GABRG3: variants seen among roughly 807,000 people sequenced by gnomAD.
GABRG3 encodes the protein gamma-aminobutyric acid type A receptor subunit gamma3.
In GABRG3, 25 loss-of-function variants were observed where a neutral mutation model predicts 48.8. The ratio of observed to expected loss-of-function variants is 0.51; its 90% CI spans 0.37 to 0.72. The LOEUF (loss-of-function observed/expected upper bound fraction) is 0.72. GABRG3 is among the 30% of genes least tolerant of loss of function. GABRG3 has a pLI of 0.00. For synonymous variants in GABRG3, 227 were observed against 217.6 expected (o/e 1.04, Z -0.38); for missense variants, 394 against 577.9 (o/e 0.68, Z 3.26).
intron 6 of GABRG3, among the ~76,000 whole-genome samples, chr15:27,500,204 G>A (rs1248760113): frequency 1.3e-5 from 2 of 152,122 alleles, no homozygotes. Context: ...GAAGACAGGG[G>A]ATAGTGAGAT....
intron 5 of GABRG3, among the ~76,000 whole-genome samples, chr15:27,459,209 G>A (rs1403097840): frequency 6.6e-6 from 1 of 152,212 alleles, no homozygotes. Context: ...TGGTGAGAAA[G>A]AGAGCCTTGG....
chr15:27,307,161 CAT>C (rs2140499991), intron 3 of GABRG3, among the ~76,000 whole-genome samples: 1 of 133,818 alleles, frequency 7.5e-6, no homozygotes, highest in African/African-American at 2.7e-5. Flanking sequence ...CATATAAAAA[CAT>C]GTTTATACAT....
chr15:27,517,691 T>C (rs905800268), intron 6 of GABRG3, among the ~76,000 whole-genome samples: 6 of 152,216 alleles, frequency 3.9e-5, no homozygotes, highest in African/African-American at 1.4e-4. Flanking sequence ...GTTAGCTTGT[T>C]GGTTTATTCC....
intron 3 of GABRG3, among the ~76,000 whole-genome samples, chr15:27,061,157 T>C (rs1224578477): frequency 6.6e-6 from 1 of 152,240 alleles, no homozygotes. Context: ...AGACAGGTGT[T>C]GTCTATGCTG....
intron 3 of GABRG3, among the ~76,000 whole-genome samples, chr15:27,111,793 G>T (rs1029719496): frequency 2.0e-5 from 3 of 152,128 alleles, no homozygotes; most frequent in Non-Finnish European, 4.4e-5. Flanking sequence ...GCATCTCAGG[G>T]CTGTGAGCTT....
intron 6 of GABRG3, among the ~76,000 whole-genome samples, chr15:27,507,179 A>G (rs927546415): frequency 6.6e-6 from 1 of 152,158 alleles, no homozygotes; most frequent in Admixed American, 6.6e-5. Context: ...TAGTCTAAGG[A>G]CTTACTTTGT....
intron 2 of GABRG3, among the ~76,000 whole-genome samples, chr15:26,980,067 G>A (rs1195940949): frequency 6.6e-6 from 1 of 151,642 alleles, no homozygotes; most frequent in Non-Finnish European, 1.5e-5. Context: ...CAAGAAATTG[G>A]TCCATTTCTT....
intron 9 of GABRG3, among the ~76,000 whole-genome samples, chr15:27,529,773 T>C (rs1359640813): frequency 2.6e-5 from 4 of 151,098 alleles, no homozygotes; most frequent in Non-Finnish European, 5.9e-5. Flanking sequence ...CACCTGGGTG[T>C]TGAAAGAAGG....
intron 3 of GABRG3, among the ~76,000 whole-genome samples, chr15:27,296,726 T>A (rs1396589115): frequency 6.6e-6 from 1 of 152,174 alleles, no homozygotes; most frequent in Non-Finnish European, 1.5e-5. Context: ...GCTATAAAAG[T>A]ATAGCTCGGG....
intron 5 of GABRG3, among the ~76,000 whole-genome samples, chr15:27,478,784 T>C (rs543708482): frequency 3.3e-5 from 5 of 152,372 alleles, no homozygotes; most frequent in Admixed American, 3.3e-4. Context: ...AAATATGGTA[T>C]ATCTGTACAA....
chr15:27,261,111 A>G (rs1372892396), intron 3 of GABRG3, among the ~76,000 whole-genome samples: 1 of 152,212 alleles, frequency 6.6e-6, no homozygotes, highest in Non-Finnish European at 1.5e-5. Context: ...AATTATGTTT[A>G]TAAATGACAG....
At chr15:27,069,476 G>A (rs1392876949) in intron 3 of GABRG3, among the ~76,000 whole-genome samples, 2 of 152,184 alleles carry the variant, frequency 1.3e-5, no homozygotes, top group African/African-American at 4.8e-5. Context: ...TCAGGTAACT[G>A]TACACTGTCA....
At position 27,408,787 on chromosome 15, in the gene GABRG3, A is replaced by G. The variant is rs566509552; in HGVS notation, c.575-71863A>G. Among the ~76,000 whole-genome samples the G allele has an allele frequency of 3.3e-5, 5 of 152,318 alleles. No individual in the cohort carries two copies. The East Asian group carries it at 7.7e-4, about 24-fold the overall frequency. ...TGCCTGCACATATTATAAGATAAACATTCAAAAAAGACAGGAAACTGGACC... is the reference window on the plus strand; with the variant it reads ...TGCCTGCACATATTATAAGATAAACGTTCAAAAAAGACAGGAAACTGGACC... On this transcript the variant is annotated intron_variant, in intron 5 of 9. Transcript: ENST00000615808.
chr15:27,116,996 A>G (rs901860231), intron 3 of GABRG3, among the ~76,000 whole-genome samples: 1 of 152,218 alleles, frequency 6.6e-6, no homozygotes, highest in Non-Finnish European at 1.5e-5. Context: ...ATCGTGTTAT[A>G]TCAGTACACA....
intron 1 of GABRG3, among the ~76,000 whole-genome samples, chr15:26,972,410 A>G (rs1221516196): frequency 6.6e-6 from 1 of 152,204 alleles, no homozygotes; most frequent in Admixed American, 6.5e-5. Flanking sequence ...TGCTGTAAAC[A>G]CAACTGGAGA....
intron 3 of GABRG3, among the ~76,000 whole-genome samples, chr15:27,096,346 G>A (rs1353349038): frequency 2.6e-5 from 4 of 152,170 alleles, no homozygotes; most frequent in African/African-American, 9.7e-5. Flanking sequence ...CAGACATCTG[G>A]TCAACCATAT....
rs554324692 is a variant in GABRG3 at position 27,300,839 on chromosome 15, C to T, written c.271-25970C>T. ...AGGATATGCTGGGCACGGTGGCTCA[C>T]GCCTGTAATCCCAGCTACTGGGGAG... On this transcript the variant is annotated intron_variant, in intron 3 of 9. Transcript: ENST00000615808. Among the ~76,000 whole-genome samples, 35 of 149,536 alleles carry T rather than the reference C, an allele frequency of 2.3e-4. No homozygotes were observed. In the South Asian group the frequency reaches 6.2e-3, roughly 27 times the overall value.
intron 3 of GABRG3, among the ~76,000 whole-genome samples, chr15:27,237,086 T>C (rs1889997546): frequency 6.6e-6 from 1 of 152,234 alleles, no homozygotes; most frequent in African/African-American, 2.4e-5. Context: ...CCATTTCAAA[T>C]TGATTTCATA....
chr15:27,497,889 T>G (rs1890525782), intron 6 of GABRG3, among the ~76,000 whole-genome samples: 2 of 152,228 alleles, frequency 1.3e-5, no homozygotes, highest in South Asian at 2.1e-4. Context: ...CATTGTTTCT[T>G]CATTCCTCAA....
Sources: gnomAD v4.1 joint callset for allele counts (sites outside exome capture counted in the v4.1 genomes callset) on GRCh38, gnomAD v4.1.1 for gene constraint, MANE v1.5 for transcripts, NCBI Gene and HGNC (gene_info 2026-07-23, HGNC 2026-07-21) for gene names.